The following ROBO2 variants were observed in gnomAD, a reference collection of about 807,000 sequenced individuals.
The protein encoded by ROBO2 is roundabout guidance receptor 2.
A neutral mutation model predicts 160.8 loss-of-function variants in ROBO2; 53 were observed. The observed-to-expected ratio is 0.33, with a 90% CI of 0.26 to 0.41. The LOEUF (loss-of-function observed/expected upper bound fraction) is 0.41, where lower values mean the gene tolerates loss of function less well. Ranked by LOEUF, ROBO2 falls within the 10% of genes least tolerant of loss-of-function variation. The pLI, the probability that ROBO2 is intolerant of heterozygous loss-of-function variation, is 1.00. For missense variants in ROBO2, 1,577 were observed against 1,722.4 expected (o/e 0.92, Z 1.49); for synonymous variants, 664 against 611.7 (o/e 1.09, Z -1.26).
At chr3:77,569,973 G>A (rs2093597101) in intron 13 of ROBO2, among the ~76,000 whole-genome samples, 1 of 151,610 alleles carries the variant, frequency 6.6e-6, no homozygotes, top group Non-Finnish European at 1.5e-5. Context: ...CTATTCTTCT[G>A]TTCCCATGAA....
chr3:77,140,024 G>A (rs142322039), intron 2 of ROBO2, among the ~76,000 whole-genome samples: 97 of 152,304 alleles, frequency 6.4e-4, no homozygotes, highest in African/African-American at 2.2e-3. Context: ...AAGGGTGGCT[G>A]TTTGCCCTGA....
chr3:76,340,947 A>G (rs2074185858), intron 2 of ROBO2, among the ~76,000 whole-genome samples: 1 of 152,120 alleles, frequency 6.6e-6, no homozygotes, highest in African/African-American at 2.4e-5. Flanking sequence ...AGTAAAATAA[A>G]GGCAAAAATG....
In ROBO2 at chr3:76,833,719, G is replaced by A. The variant is rs1043866791; in HGVS notation, c.110-264295G>A. On this transcript the variant is annotated intron_variant, in intron 2 of 26. Transcript: ENST00000487694. ...CTGTCCAATCCTATTCTATCCTCTC[G>A]TAACTTCCCCTCTCATCTCTTTTAT... Among the ~76,000 whole-genome samples the A allele has an allele frequency of 1.2e-4, 18 of 152,002 alleles. No homozygotes were observed. In the South Asian group the frequency reaches 3.1e-3, roughly 26 times the overall value.
intron 2 of ROBO2, among the ~76,000 whole-genome samples, chr3:76,920,083 A>C (rs763722736): frequency 5.9e-5 from 9 of 152,170 alleles, no homozygotes; most frequent in Non-Finnish European, 1.2e-4. Context: ...CAATAATCCA[A>C]ATTCAGTAAA....
intron 2 of ROBO2, among the ~76,000 whole-genome samples, chr3:75,960,077 G>A (rs1193662167): frequency 2.0e-5 from 3 of 151,628 alleles, no homozygotes; most frequent in Middle Eastern, 6.3e-3. Flanking sequence ...TTTCCATAGA[G>A]TACTTTGCTG....
intron 2 of ROBO2, among the ~76,000 whole-genome samples, chr3:76,304,591 G>A (rs1281388493): frequency 6.6e-6 from 1 of 152,140 alleles, no homozygotes; most frequent in South Asian, 2.1e-4. Context: ...CAATAGTGCA[G>A]CCTGTAGTTA....
chr3:76,396,930 A>C (rs1229259728), intron 2 of ROBO2, among the ~76,000 whole-genome samples: 1 of 152,176 alleles, frequency 6.6e-6, no homozygotes, highest in South Asian at 2.1e-4. Context: ...TGCCATCCCC[A>C]TCAAGCTACC....
Position 76,409,882 on chromosome 3 carries a change from T to C in ROBO2, c.109+472280T>C, listed in dbSNP as rs1055975198. On this transcript the variant is annotated intron_variant, in intron 2 of 26. Transcript: ENST00000487694. ...ATTCTTGGATTTCAGTGAAGACATA[T>C]GATAGAGTACAGATCTATTTCTAGC... Among the ~76,000 whole-genome samples the C allele has an allele frequency of 7.9e-5, 12 of 152,132 alleles. 1 individual carries two copies. The highest frequency in any genetic ancestry group is 1.5e-5 in the Non-Finnish European group (1 of 67,986).
intron 2 of ROBO2, among the ~76,000 whole-genome samples, chr3:76,458,157 T>G (rs2106699008): frequency 6.6e-6 from 1 of 152,350 alleles, no homozygotes; most frequent in Admixed American, 6.5e-5. Context: ...ATAGTCAGGC[T>G]ACACATTTTC....
chr3:76,791,073 T>G (rs1484232761), intron 2 of ROBO2, among the ~76,000 whole-genome samples: 1 of 151,810 alleles, frequency 6.6e-6, no homozygotes. Context: ...TCATTAAAAT[T>G]ATCTGATGAA....
At chr3:77,338,793 C>T (rs977802941) in intron 2 of ROBO2, among the ~76,000 whole-genome samples, 2 of 152,036 alleles carry the variant, frequency 1.3e-5, no homozygotes, top group Admixed American at 1.3e-4. Context: ...AAAGCAATGC[C>T]ATTTTTCCTA....
At chr3:76,119,916 C>CCCTCCCTCCCTCCCTCCCTTCCTTCCTT (rs1377854643) in intron 2 of ROBO2, among the ~76,000 whole-genome samples, 13 of 88,174 alleles carry the variant, frequency 1.5e-4, no homozygotes, top group Admixed American at 1.2e-4. Context: ...TTCCCTCCCT[C>CCCTCCCTCCCTCCCTCCCTTCCTTCCTT]CCTTCCTTCC....
chr3:76,749,549 A>G (rs2093946448), intron 2 of ROBO2, among the ~76,000 whole-genome samples: 1 of 152,110 alleles, frequency 6.6e-6, no homozygotes, highest in South Asian at 2.1e-4. Flanking sequence ...ATTTATCAAG[A>G]AAGAAGACAG....
intron 1 of ROBO2, among the ~76,000 whole-genome samples, chr3:77,084,925 G>T (rs1197306330): frequency 6.6e-6 from 1 of 152,058 alleles, no homozygotes; most frequent in African/African-American, 2.4e-5. Flanking sequence ...ACTACACTCA[G>T]TATTTGTGTT....
Position 77,602,496 on chromosome 3 carries a change from G to A in ROBO2, c.3136+5G>A. On this transcript the variant is annotated splice_donor_5th_base_variant and intron_variant, in intron 20 of 25. Transcript: ENST00000461745. ...ATCAGAACAAAGGTAACAATGGTGA[G>A]TCAGGTTCTTGTGTCCTGAGGAGGT... 2 of 1,614,098 alleles carry A rather than the reference G, an allele frequency of 1.2e-6. No individual in the cohort carries two copies. The highest frequency in any genetic ancestry group is 1.1e-5 in the South Asian group (1 of 91,086).
chr3:77,535,273 T>C (rs1357612982), intron 6 of ROBO2, among the ~76,000 whole-genome samples: 1 of 151,944 alleles, frequency 6.6e-6, no homozygotes, highest in Non-Finnish European at 1.5e-5. Context: ...GATAATGGGA[T>C]GTGATCAGCC....
At chr3:77,487,948 T>C (rs1380759086) in intron 4 of ROBO2, among the ~76,000 whole-genome samples, 1 of 152,174 alleles carries the variant, frequency 6.6e-6, no homozygotes, top group African/African-American at 2.4e-5. Context: ...AAGAGAAATT[T>C]GTTTGCTGGG....
At chr3:75,912,670 C>T (rs779198907) in intron 1 of ROBO2, among the ~76,000 whole-genome samples, 10 of 151,992 alleles carry the variant, frequency 6.6e-5, no homozygotes, top group Non-Finnish European at 1.5e-4. Context: ...CGTGTAGCTG[C>T]GTGGAATTAT....
intron 2 of ROBO2, among the ~76,000 whole-genome samples, chr3:76,255,543 G>A (rs1206636148): frequency 6.6e-6 from 1 of 151,830 alleles, no homozygotes; most frequent in African/African-American, 2.4e-5. Flanking sequence ...TGTAAACATT[G>A]ATGCAGAATT....
Sources: gnomAD v4.1 joint callset for allele counts (sites outside exome capture counted in the v4.1 genomes callset) on GRCh38, gnomAD v4.1.1 for gene constraint, MANE v1.5 for transcripts, NCBI Gene and HGNC (gene_info 2026-07-23, HGNC 2026-07-21) for gene names.